Variants in FRMD4A observed in about 807,000 individuals in gnomAD.
The protein encoded by FRMD4A is FERM domain containing 4A.
Under a neutral mutation model 129.1 loss-of-function variants are expected in FRMD4A, and 29 were observed. The ratio of observed to expected loss-of-function variants is 0.22; its 90% CI spans 0.17 to 0.31. FRMD4A has a LOEUF of 0.31. Ranked by LOEUF, FRMD4A falls within the 10% of genes least tolerant of loss-of-function variation. The pLI is 1.00. For synonymous variants in FRMD4A, 634 were observed against 571.6 expected, an observed-to-expected ratio of 1.11 and a Z score of -1.56; for missense variants, 1,272 against 1,375.8, an observed-to-expected ratio of 0.92 and a Z score of 1.19.
intron 2 of FRMD4A, among the ~76,000 whole-genome samples, chr10:13,902,923 T>C (rs1033780639): frequency 6.6e-6 from 1 of 152,140 alleles, no homozygotes; most frequent in African/African-American, 2.4e-5. Flanking sequence ...TCTCTGATTC[T>C]TAGCTTGGGT....
chr10:13,915,832 C>A (rs2094996770), intron 2 of FRMD4A, among the ~76,000 whole-genome samples: 1 of 152,162 alleles, frequency 6.6e-6, no homozygotes, highest in Non-Finnish European at 1.5e-5. Context: ...GCTCCCGCTG[C>A]AGAGGGAATC....
At chr10:13,966,632 C>G (rs886726953) in intron 2 of FRMD4A, among the ~76,000 whole-genome samples, 2 of 152,182 alleles carry the variant, frequency 1.3e-5, no homozygotes, top group African/African-American at 2.4e-5. Flanking sequence ...GGGCTGGGGC[C>G]GAGTGCTGTT....
intron 2 of FRMD4A, among the ~76,000 whole-genome samples, chr10:13,993,943 G>A (rs2095612893): frequency 6.6e-6 from 1 of 151,510 alleles, no homozygotes; most frequent in South Asian, 2.1e-4. Context: ...TTTGTAGCAA[G>A]ATGTTTCCTT....
chr10:14,112,373 C>T (rs909340751), intron 2 of FRMD4A, among the ~76,000 whole-genome samples: 11 of 152,006 alleles, frequency 7.2e-5, no homozygotes, highest in Non-Finnish European at 1.5e-4. Flanking sequence ...GGGTAGAAGA[C>T]GAGAGAGCAG....
At chr10:13,906,684 G>A (rs1289211537) in intron 2 of FRMD4A, among the ~76,000 whole-genome samples, 4 of 152,064 alleles carry the variant, frequency 2.6e-5, no homozygotes, top group Admixed American at 1.3e-4. Context: ...ATGAGACCCC[G>A]GGTGAATTAC....
chr10:13,931,890 A>C (rs1016157189), intron 2 of FRMD4A, among the ~76,000 whole-genome samples: 1 of 152,046 alleles, frequency 6.6e-6, no homozygotes, highest in Non-Finnish European at 1.5e-5. Flanking sequence ...TGGAGGTTGC[A>C]ATAAGCCACG....
At chr10:14,173,038 T>A (rs898767138) in intron 2 of FRMD4A, among the ~76,000 whole-genome samples, 2 of 151,572 alleles carry the variant, frequency 1.3e-5, no homozygotes, top group Non-Finnish European at 2.9e-5. Context: ...GAAAAAAAAA[T>A]GTTCAATGAC....
At chr10:14,136,440 G>C (rs543488441) in intron 2 of FRMD4A, among the ~76,000 whole-genome samples, 17 of 152,080 alleles carry the variant, frequency 1.1e-4, no homozygotes, top group Non-Finnish European at 1.8e-4. Context: ...TTATCCCTCT[G>C]CTCACCTGAG....
chr10:14,174,534 G>GTTCATTCATTCATTCA lies in FRMD4A; in HGVS notation c.45+155508_45+155523dup, dbSNP rs3033997. ...GCTGAGAGCACTGTTGCGTTTGTTC[G>GTTCATTCATTCATTCA]TTCATTCATTCATTCATTCATTCAT... On this transcript the variant is annotated intron_variant, in intron 2 of 24. Coordinates refer to ENST00000357447, the MANE Select transcript of FRMD4A (RefSeq NM_018027.5). Among the ~76,000 whole-genome samples, 789 of 150,508 alleles carry GTTCATTCATTCATTCA rather than the reference G, an allele frequency of 5.2e-3. 5 individuals carry two copies. The highest frequency in any genetic ancestry group is 6.7e-3 in the African/African-American group (274 of 40,918).
At chr10:14,091,113 G>A (rs1286685175) in intron 2 of FRMD4A, among the ~76,000 whole-genome samples, 1 of 152,112 alleles carries the variant, frequency 6.6e-6, no homozygotes, top group African/African-American at 2.4e-5. Context: ...GAAAAGAGAT[G>A]GAAGAATGTT....
At chr10:13,700,820 C>CTTTTTTTTTTTTTTTTTTTT (rs71503097) in intron 14 of FRMD4A, among the ~76,000 whole-genome samples, 2 of 44,714 alleles carry the variant, frequency 4.5e-5, no homozygotes, top group Non-Finnish European at 7.6e-5. Context: ...AGGGTAGTTG[C>CTTTTTTTTTTTTTTTTTTTT]TTTTTTTTTT....
At chr10:14,030,618 G>T (rs908575647) in intron 2 of FRMD4A, among the ~76,000 whole-genome samples, 4 of 152,170 alleles carry the variant, frequency 2.6e-5, no homozygotes, top group African/African-American at 9.7e-5. Context: ...GCCTGTCTGG[G>T]TCTAGTTAAA....
At chr10:13,999,393 T>A (rs1400090957) in intron 2 of FRMD4A, among the ~76,000 whole-genome samples, 1 of 152,212 alleles carries the variant, frequency 6.6e-6, no homozygotes, top group East Asian at 1.9e-4. Context: ...AGGTCCTAGG[T>A]ATTCCATTCC....
intron 2 of FRMD4A, among the ~76,000 whole-genome samples, chr10:14,001,566 A>G (rs2095642952): frequency 6.6e-6 from 1 of 152,248 alleles, no homozygotes; most frequent in Admixed American, 6.5e-5. Context: ...ATTCTACCCA[A>G]GATGAGAAGT....
Position 14,072,852 on chromosome 10 carries a change from C to T in FRMD4A, c.46-213940G>A, listed in dbSNP as rs59506027. On this transcript the variant is annotated intron_variant, in intron 2 of 24. Coordinates refer to ENST00000357447, the MANE Select transcript of FRMD4A (RefSeq NM_018027.5). Reference sequence around the variant, plus strand: ...TCATAAAAGCAATAAAACGTGCTTCCGGAAAATAGCTTTCCTTTCAGTCCC... The same window carrying T: ...TCATAAAAGCAATAAAACGTGCTTCTGGAAAATAGCTTTCCTTTCAGTCCC... Among the ~76,000 whole-genome samples the T allele has an allele frequency of 7.6e-3, 1,159 of 152,204 alleles. 55 individuals are homozygous for T. In the East Asian group the frequency reaches 0.13, roughly 17 times the overall value.
intron 2 of FRMD4A, among the ~76,000 whole-genome samples, chr10:14,079,632 T>C (rs1422632299): frequency 6.6e-6 from 1 of 152,174 alleles, no homozygotes; most frequent in African/African-American, 2.4e-5. Flanking sequence ...GTGGGATGTG[T>C]TGGTGTGATT....
intron 2 of FRMD4A, among the ~76,000 whole-genome samples, chr10:14,245,850 G>A (rs761725431): frequency 9.9e-5 from 15 of 152,074 alleles, no homozygotes; most frequent in East Asian, 3.9e-4. Flanking sequence ...GCTTTATTAC[G>A]GCAGCCCAAG....
intron 2 of FRMD4A, among the ~76,000 whole-genome samples, chr10:14,190,837 G>A (rs1036472340): frequency 6.6e-6 from 1 of 152,216 alleles, no homozygotes; most frequent in African/African-American, 2.4e-5. Context: ...ATAAGCAGGT[G>A]ACTGATGGAA....
At chr10:13,798,195 G>A (rs1021973311) in intron 4 of FRMD4A, among the ~76,000 whole-genome samples, 1 of 152,196 alleles carries the variant, frequency 6.6e-6, no homozygotes, top group Non-Finnish European at 1.5e-5. Context: ...CGGATCACTT[G>A]AGGTCTGGAG....
Sources: gnomAD v4.1 joint callset for allele counts (sites outside exome capture counted in the v4.1 genomes callset) on GRCh38, gnomAD v4.1.1 for gene constraint, MANE v1.5 for transcripts, NCBI Gene and HGNC (gene_info 2026-07-23, HGNC 2026-07-21) for gene names.